CALU: variants seen among roughly 807,000 people sequenced by gnomAD.
The protein encoded by CALU is calumenin.
Under a neutral mutation model 37.5 loss-of-function variants are expected in CALU, and 13 were observed. The ratio of observed to expected loss-of-function variants is 0.35; its 90% CI spans 0.23 to 0.55. The LOEUF (loss-of-function observed/expected upper bound fraction) is 0.55, where lower values mean the gene tolerates loss of function less well. Among genes scored for constraint, CALU ranks in the 20% least tolerant of loss-of-function variants. The pLI, the probability that CALU is intolerant of heterozygous loss-of-function variation, is 0.89. For missense variants in CALU, 282 were observed against 391.7 expected (o/e 0.72, Z 2.36); for synonymous variants, 114 against 133.8 (o/e 0.85, Z 1.02).
intron 1 of CALU, among the ~76,000 whole-genome samples, chr7:128,744,882 A>G (rs761479442): frequency 8.5e-5 from 13 of 152,312 alleles, no homozygotes; most frequent in Non-Finnish European, 1.5e-4. Context: ...AAGCTAAATC[A>G]CTTGGCTTCT....
At position 128,772,507 on chromosome 7, in the gene CALU, T is replaced by C. The variant is rs1330454745; in HGVS notation, c.*3340T>C. 4 of 1,613,848 alleles carry C rather than the reference T, an allele frequency of 2.5e-6. No individual in the cohort carries two copies. The Admixed American group carries it at 6.7e-5, about 27-fold the overall frequency. On this transcript the variant is annotated 3_prime_UTR_variant, in exon 7 of 7. Coordinates refer to ENST00000249364, the MANE Select transcript of CALU (RefSeq NM_001219.5). ...AACTTACTTAAAAGTAAAATTTAAT[T>C]CTAGCTGTTGCAAACAGGCCAATAT...
In CALU at chr7:128,772,725, T is replaced by C. The variant is rs1801637603; in HGVS notation, c.*3558T>C. Reference sequence around the variant, plus strand: ...AGGAAGTATGGGAAAAAAGACCTTATTCTCTGTATCACCAAAGCCTTGCAC... The same window carrying C: ...AGGAAGTATGGGAAAAAAGACCTTACTCTCTGTATCACCAAAGCCTTGCAC... On this transcript the variant is annotated 3_prime_UTR_variant, in exon 7 of 7. Transcript: ENST00000249364. 3 of 1,603,872 alleles carry C rather than the reference T, an allele frequency of 1.9e-6. No homozygotes were observed. Among genetic ancestry groups the C allele is most frequent in the Non-Finnish European group, 2.6e-6 (3 of 1,171,024 alleles).
intron 3 of CALU, among the ~76,000 whole-genome samples, chr7:128,757,748 A>G (rs1013349174): frequency 7.2e-5 from 11 of 152,180 alleles, no homozygotes; most frequent in African/African-American, 2.2e-4. Context: ...ACGCAGATTG[A>G]AAAAGAATTT....
Position 128,772,504 on chromosome 7 carries a change from A to T in CALU, c.*3337A>T. ...AGAAACTTACTTAAAAGTAAAATTT[A>T]ATTCTAGCTGTTGCAAACAGGCCAA... On this transcript the variant is annotated 3_prime_UTR_variant, in exon 7 of 7. Transcript: ENST00000249364. 6.2e-7 allele frequency: 1 copy of T among 1,613,540 alleles called. No homozygotes were observed. The highest frequency in any genetic ancestry group is 1.1e-5 in the South Asian group (1 of 91,046).
At chr7:128,757,527 T>G (rs1800935965) in intron 3 of CALU, among the ~76,000 whole-genome samples, 1 of 152,122 alleles carries the variant, frequency 6.6e-6, no homozygotes, top group Non-Finnish European at 1.5e-5. Context: ...TAAACTGTGC[T>G]TAAAGTATGG....
chr7:128,755,325 A>AT (rs1336308289), intron 3 of CALU, among the ~76,000 whole-genome samples: 23 of 150,196 alleles, frequency 1.5e-4, no homozygotes, highest in Non-Finnish European at 2.7e-4. Flanking sequence ...AAAAAAAAAA[A>AT]AAAAAAAAGA....
chr7:128,752,211 C>G (rs1172271555), intron 2 of CALU, among the ~76,000 whole-genome samples: 1 of 152,036 alleles, frequency 6.6e-6, no homozygotes, highest in Non-Finnish European at 1.5e-5. Context: ...TACTATCTGT[C>G]CCTTTTTTAA....
chr7:128,759,603 T>C (rs1411889326), intron 4 of CALU, among the ~76,000 whole-genome samples, 189 bp from the exon 5 acceptor site: 1 of 152,250 alleles, frequency 6.6e-6, no homozygotes, highest in Non-Finnish European at 1.5e-5. Flanking sequence ...AAATTGCTCA[T>C]GTTTTACCAT....
At chr7:128,754,775 C>A in intron 3 of CALU, 2 of 1,100,910 alleles carry the variant, frequency 1.8e-6, no homozygotes, top group Non-Finnish European at 2.6e-6. Context: ...GTCAAAGAAA[C>A]AAATGGGTCA....
At chr7:128,743,553 G>A (rs1800318908) in intron 1 of CALU, among the ~76,000 whole-genome samples, 1 of 147,770 alleles carries the variant, frequency 6.8e-6, no homozygotes, top group Non-Finnish European at 1.5e-5. Context: ...ACAGGGTCTT[G>A]TTCCCTCACC....
chr7:128,771,768 C>T lies in CALU; in HGVS notation c.*2601C>T, dbSNP rs759945318. 2.0e-5 allele frequency: 3 copies of T among 152,180 alleles called. No individual in the cohort carries two copies. Among genetic ancestry groups the T allele is most frequent in the South Asian group, 4.1e-4 (2 of 4,834 alleles). 9.4% of individuals were successfully genotyped at this position (152,180 alleles called of 1,614,324 possible). A position where few individuals can be genotyped will look rare whatever the true frequency, so the allele number is the denominator to read the frequency against. On this transcript the variant is annotated 3_prime_UTR_variant, in exon 7 of 7. Coordinates refer to ENST00000249364, the MANE Select transcript of CALU (RefSeq NM_001219.5). Reference sequence around the variant, plus strand: ...ACAAGCGATTCTGAATGTACACACACGTTTATCTATAGAGCATAAGGTAAA... The same window carrying T: ...ACAAGCGATTCTGAATGTACACACATGTTTATCTATAGAGCATAAGGTAAA...
At chr7:128,764,394 C>A (rs1801245417) in intron 5 of CALU, among the ~76,000 whole-genome samples, 1 of 150,758 alleles carries the variant, frequency 6.6e-6, no homozygotes, top group Non-Finnish European at 1.5e-5. Context: ...CCACTGCACT[C>A]CAGCCTGGGC....
At chr7:128,763,175 A>G (rs1259171821) in intron 5 of CALU, among the ~76,000 whole-genome samples, 1 of 152,222 alleles carries the variant, frequency 6.6e-6, no homozygotes, top group Non-Finnish European at 1.5e-5. Flanking sequence ...TTTTTTAAAG[A>G]TAATGTCAAC....
chr7:128,741,514 A>G (rs1584996328), intron 1 of CALU, among the ~76,000 whole-genome samples: 1 of 152,152 alleles, frequency 6.6e-6, no homozygotes, highest in African/African-American at 2.4e-5. Context: ...ATTGTTTTTG[A>G]GTGGTTCAGA....
At chr7:128,764,661 G>A (rs908546407) in intron 5 of CALU, among the ~76,000 whole-genome samples, 1 of 151,786 alleles carries the variant, frequency 6.6e-6, no homozygotes, top group Admixed American at 6.6e-5. Context: ...GGCATTGTGG[G>A]TATATAAGAA....
intron 1 of CALU, among the ~76,000 whole-genome samples, chr7:128,746,762 C>CTTTTTTTTTTTTTT (rs71162530): frequency 8.2e-6 from 1 of 122,658 alleles, no homozygotes. Flanking sequence ...TCATGTCATT[C>CTTTTTTTTTTTTTT]TTTTTTTTTT....
rs1361471157 is a variant in CALU at position 128,772,145 on chromosome 7, A to G, written c.*2978A>G. ...TTTCTTAAGTTTGTTCTAATTCAGC[A>G]TATATCATCTCAGAATGGATCCCCA... On this transcript the variant is annotated 3_prime_UTR_variant, in exon 7 of 7. Coordinates refer to ENST00000249364, the MANE Select transcript of CALU (RefSeq NM_001219.5). Among the ~76,000 whole-genome samples, 1 of 148,036 alleles carries G rather than the reference A, an allele frequency of 6.8e-6. No individual in the cohort carries two copies. Among genetic ancestry groups the G allele is most frequent in the Non-Finnish European group, 1.5e-5 (1 of 67,454 alleles).
At chr7:128,743,050 T>C (rs895411019) in intron 1 of CALU, among the ~76,000 whole-genome samples, 1 of 152,208 alleles carries the variant, frequency 6.6e-6, no homozygotes, top group African/African-American at 2.4e-5. Flanking sequence ...ATTCTTTCAA[T>C]ATGAAATGTA....
chr7:128,749,809 C>T (rs894847582), intron 2 of CALU, among the ~76,000 whole-genome samples: 1 of 152,146 alleles, frequency 6.6e-6, no homozygotes. Flanking sequence ...AGCACTGTCA[C>T]ATAGCATTTG....
Sources: allele counts gnomAD v4.1 joint callset (sites outside exome capture counted in the v4.1 genomes callset), GRCh38; gene constraint gnomAD v4.1.1; transcripts MANE v1.5; gene names NCBI Gene and HGNC (gene_info 2026-07-23, HGNC 2026-07-21).